PDGFD: variants seen among roughly 807,000 people sequenced by gnomAD.
The protein encoded by PDGFD is platelet-derived growth factor D.
Under a neutral mutation model 44.7 loss-of-function variants are expected in PDGFD, and 30 were observed. The observed-to-expected ratio is 0.67, with a 90% CI of 0.50 to 0.91. PDGFD has a LOEUF of 0.91. Among genes scored for constraint, PDGFD ranks in the 40% least tolerant of loss-of-function variants. The probability of loss-of-function intolerance (pLI) is 0.00; values close to 1 mark genes in which losing one functional copy is unlikely to be tolerated. For synonymous variants in PDGFD, 173 were observed against 168.4 expected (o/e 1.03, Z -0.21); for missense variants, 445 against 457.8 (o/e 0.97, Z 0.25).
chr11:104,035,042 A>ATG (rs1232763040), intron 1 of PDGFD, among the ~76,000 whole-genome samples: 26 of 151,968 alleles, frequency 1.7e-4, no homozygotes, highest in African/African-American at 4.3e-4. Context: ...ACAGCCTTGT[A>ATG]TGTGTGTGTG....
rs542209660 is a variant in PDGFD, at chr11:104,063,736, C to G, written c.125-63481G>C. ...AGAGAATGATGGGGGAGGTGCCACA[C>G]TTTTAAACCATCAGATCTTGTGAGA... On this transcript the variant is annotated intron_variant, in intron 1 of 6. Coordinates refer to ENST00000393158, the MANE Select transcript of PDGFD (RefSeq NM_025208.5). 3.1e-4 allele frequency among the ~76,000 whole-genome samples: 47 copies of G among 152,256 alleles called. No individual in the cohort carries two copies. The South Asian group carries it at 9.8e-3, about 32-fold the overall frequency.
intron 3 of PDGFD, among the ~76,000 whole-genome samples, chr11:103,981,787 G>A (rs1859276628): frequency 6.6e-6 from 1 of 151,756 alleles, no homozygotes; most frequent in East Asian, 1.9e-4. Context: ...GGATTCCAGA[G>A]ACCTGTGACA....
At chr11:103,922,332 A>G (rs945470121) in intron 6 of PDGFD, among the ~76,000 whole-genome samples, 1 of 152,182 alleles carries the variant, frequency 6.6e-6, no homozygotes, top group Admixed American at 6.5e-5. Flanking sequence ...ATTATCTTTT[A>G]TATTCTATGA....
chr11:104,073,799 T>C (rs1250532682), intron 1 of PDGFD, among the ~76,000 whole-genome samples: 5 of 152,104 alleles, frequency 3.3e-5, no homozygotes, highest in Non-Finnish European at 5.9e-5. Context: ...AGTTTGCAGT[T>C]ACATTGCTGA....
chr11:104,083,054 C>G (rs1199088983), intron 1 of PDGFD, among the ~76,000 whole-genome samples: 2 of 152,118 alleles, frequency 1.3e-5, no homozygotes, highest in African/African-American at 4.8e-5. Flanking sequence ...TTAGTCATGA[C>G]CCCATATATT....
At chr11:104,064,138 C>T (rs1400659457) in intron 1 of PDGFD, among the ~76,000 whole-genome samples, 1 of 152,200 alleles carries the variant, frequency 6.6e-6, no homozygotes, top group Non-Finnish European at 1.5e-5. Context: ...GCTGATTTTA[C>T]AATGTGTTTA....
chr11:104,143,828 G>C (rs990077952), intron 1 of PDGFD, among the ~76,000 whole-genome samples: 1 of 152,160 alleles, frequency 6.6e-6, no homozygotes, highest in African/African-American at 2.4e-5. Flanking sequence ...CTTTTCCTTA[G>C]TTATATTATA....
intron 1 of PDGFD, among the ~76,000 whole-genome samples, chr11:104,035,561 CTTTTTTT>C (rs3050598): frequency 3.3e-4 from 38 of 115,258 alleles, no homozygotes; most frequent in African/African-American, 5.1e-4. Context: ...ACTTCTTTTT[CTTTTTTT>C]TTTTTTTTTT....
At chr11:103,969,642 G>T (rs1210148943) in intron 3 of PDGFD, among the ~76,000 whole-genome samples, 1 of 151,574 alleles carries the variant, frequency 6.6e-6, no homozygotes, top group Non-Finnish European at 1.5e-5. Context: ...TCCTTCAGGG[G>T]CTTTTAATAT....
chr11:104,005,897 A>G (rs1345847912), intron 1 of PDGFD, among the ~76,000 whole-genome samples: 2 of 152,270 alleles, frequency 1.3e-5, no homozygotes, highest in African/African-American at 2.4e-5. Flanking sequence ...GTATGTTTAT[A>G]TAACAATGAC....
chr11:104,014,462 C>G (rs1203307052), intron 1 of PDGFD, among the ~76,000 whole-genome samples: 1 of 152,222 alleles, frequency 6.6e-6, no homozygotes, highest in African/African-American at 2.4e-5. Context: ...CACCACTGCA[C>G]TCTAGCTTGA....
chr11:103,978,115 A>T (rs1040530216), intron 3 of PDGFD, among the ~76,000 whole-genome samples: 5 of 152,070 alleles, frequency 3.3e-5, no homozygotes, highest in Non-Finnish European at 5.9e-5. Context: ...AACAGGCACC[A>T]GTAGTGTCGT....
intron 3 of PDGFD, among the ~76,000 whole-genome samples, chr11:103,957,641 T>C (rs1422831875): frequency 6.6e-6 from 1 of 152,174 alleles, no homozygotes; most frequent in Non-Finnish European, 1.5e-5. Flanking sequence ...TAATAAATGG[T>C]GCTGGGAAAA....
At chr11:104,030,245 G>C (rs1353779944) in intron 1 of PDGFD, among the ~76,000 whole-genome samples, 1 of 152,108 alleles carries the variant, frequency 6.6e-6, no homozygotes, top group East Asian at 1.9e-4. Flanking sequence ...TTTCAGATAA[G>C]GGAAACTCAA....
rs117554640 is a variant in PDGFD at position 104,078,444 on chromosome 11, T to C, written c.125-78189A>G. 1.2e-4 allele frequency among the ~76,000 whole-genome samples: 18 copies of C among 146,596 alleles called. No individual in the cohort carries two copies. In the East Asian group the frequency reaches 2.6e-3, roughly 21 times the overall value. ...CTGCAGGCTACGTCTTATCTGACAG[T>C]TTCCCCTACTTCCTCTTTCTTACTG... On this transcript the variant is annotated intron_variant, in intron 1 of 6. Transcript: ENST00000393158.
intron 3 of PDGFD, among the ~76,000 whole-genome samples, chr11:103,957,231 C>T (rs1229363334): frequency 1.3e-5 from 2 of 151,930 alleles, no homozygotes; most frequent in East Asian, 1.9e-4. Context: ...GAATTAATTT[C>T]TGTATAAGGT....
chr11:103,951,684 G>A (rs982224029), intron 3 of PDGFD, among the ~76,000 whole-genome samples: 1 of 152,068 alleles, frequency 6.6e-6, no homozygotes. Flanking sequence ...GCTGTTCCCT[G>A]CCTGGATGCA....
chr11:103,954,298 A>C (rs796933117), intron 3 of PDGFD, among the ~76,000 whole-genome samples: 4 of 152,336 alleles, frequency 2.6e-5, no homozygotes, highest in African/African-American at 9.6e-5. Context: ...CCAGCAATGG[A>C]TGTCCAAAGA....
intron 1 of PDGFD, among the ~76,000 whole-genome samples, chr11:104,151,276 C>T (rs1862241502): frequency 6.6e-6 from 1 of 152,066 alleles, no homozygotes; most frequent in South Asian, 2.1e-4. Context: ...AAATTATTTT[C>T]AATCAATCAA....
Sources: gnomAD v4.1 joint callset for allele counts (sites outside exome capture counted in the v4.1 genomes callset) on GRCh38, gnomAD v4.1.1 for gene constraint, MANE v1.5 for transcripts, NCBI Gene and HGNC (gene_info 2026-07-23, HGNC 2026-07-21) for gene names.